The following RIF1 variants were observed in gnomAD, a reference collection of about 807,000 sequenced individuals.
RIF1 encodes the protein telomere-associated protein RIF1.
A neutral mutation model predicts 247.1 loss-of-function variants in RIF1; 45 were observed. The ratio of observed to expected loss-of-function variants is 0.18; its 90% CI spans 0.14 to 0.23. The LOEUF (loss-of-function observed/expected upper bound fraction) is 0.23, where lower values mean the gene tolerates loss of function less well. RIF1 is among the 10% of genes least tolerant of loss of function. The probability of loss-of-function intolerance (pLI) is 1.00; values close to 1 mark genes in which losing one functional copy is unlikely to be tolerated. For missense variants in RIF1, 2,967 were observed against 2,862.5 expected, an observed-to-expected ratio of 1.04 and a Z score of -0.83; for synonymous variants, 1,087 against 978.8, an observed-to-expected ratio of 1.11 and a Z score of -2.06.
At chr2:151,493,297 G>A in intron 9 of RIF1, 1 of 1,340,830 alleles carries the variant, frequency 7.5e-7, no homozygotes, top group Non-Finnish European at 1.1e-6. Flanking sequence ...TTTTTATGAT[G>A]TTAAAATGTT....
intron 1 of RIF1, 51 bp from the exon 2 acceptor site, chr2:151,410,363 G>A: frequency 2.0e-6 from 3 of 1,471,090 alleles, no homozygotes; most frequent in Non-Finnish European, 1.9e-6. Flanking sequence ...GCCGCCGCGG[G>A]GCTGTTTCCA....
At chr2:151,410,613 A>T (rs1685986860) in intron 2 of RIF1, 86 bp downstream of exon 2, 1 of 1,086,868 alleles carries the variant, frequency 9.2e-7, no homozygotes, top group African/African-American at 1.5e-5. Flanking sequence ...CGTAGAATGA[A>T]TGTGAGTTCT....
chr2:151,487,012 A>G (rs954812305), downstream of RIF1, among the ~76,000 whole-genome samples: 11 of 152,168 alleles, frequency 7.2e-5, no homozygotes, highest in African/African-American at 2.4e-4. Flanking sequence ...TGTACACTTT[A>G]TGAACTTCAT....
the RIF1 span, chr2:151,519,204 G>T: frequency 1.5e-6 from 1 of 686,588 alleles, no homozygotes. Context: ...ATTCATAGTA[G>T]CCAGAAGGCA....
intron 34 of RIF1, among the ~76,000 whole-genome samples, chr2:151,472,280 C>A (rs1484304537): frequency 6.6e-6 from 1 of 152,084 alleles, no homozygotes; most frequent in African/African-American, 2.4e-5. Context: ...GCTGAGACAA[C>A]GGGGTTTTCT....
rs182073795 is a variant in RIF1, at chr2:151,476,419, A to T, written c.*1348A>T. 27 of 152,274 alleles carry T rather than the reference A, an allele frequency of 1.8e-4. 1 individual carries two copies. In the East Asian group the frequency reaches 5.0e-3, roughly 28 times the overall value. The allele number at this position is 152,274 out of a possible 1,614,324, so 9.4% of individuals were successfully genotyped here. ...ATCTTTTTAACTGACAGTATATCTC[A>T]CTTCTTCTTTGAATAGAATGAGTGA... On this transcript the variant is annotated 3_prime_UTR_variant, in exon 36 of 36. Transcript: ENST00000444746.
chr2:151,485,487 C>A, downstream of RIF1: 1 of 294,466 alleles, frequency 3.4e-6, no homozygotes, highest in Non-Finnish European at 6.2e-6. Context: ...TTGGCATATT[C>A]AAAATCCCTG....
chr2:151,455,208 A>G, intron 22 of RIF1, 49 bp downstream of exon 22: 3 of 1,384,758 alleles, frequency 2.2e-6, no homozygotes, highest in Non-Finnish European at 3.0e-6. Flanking sequence ...TACAATTTAA[A>G]TATAGGTAGC....
intron 3 of RIF1, among the ~76,000 whole-genome samples, chr2:151,412,082 C>G (rs1479938150): frequency 2.6e-5 from 4 of 152,144 alleles, no homozygotes; most frequent in Non-Finnish European, 2.9e-5. Flanking sequence ...TTTCCTCATT[C>G]ACCCTCAGTT....
chr2:151,434,921 T>TA (rs756552165), intron 10 of RIF1, among the ~76,000 whole-genome samples: 1 of 152,190 alleles, frequency 6.6e-6, no homozygotes, highest in Non-Finnish European at 1.5e-5. Context: ...GGAGGACTTA[T>TA]AAATATACTT....
In RIF1 at chr2:151,409,922, A is replaced by C. The variant is rs1367965068; in HGVS notation, c.-122A>C. On this transcript the variant is annotated 5_prime_UTR_variant, in exon 1 of 36. Coordinates refer to ENST00000444746, the MANE Select transcript of RIF1 (RefSeq NM_018151.5). ...CGCCCAGCCGCCATCTTGGTCTAGG[A>C]GGGAGCGCGCCGCACGCGTGAGTAA... 1.4e-6 allele frequency: 1 copy of C among 700,000 alleles called. No individual in the cohort carries two copies. The highest frequency in any genetic ancestry group is 2.0e-5 in the Admixed American group (1 of 49,908). The allele number at this position is 700,000 out of a possible 1,614,324, so 43.4% of individuals were successfully genotyped here.
chr2:151,423,045 A>G lies in RIF1; in HGVS notation c.786+3A>G. On this transcript the variant is annotated splice_donor_region_variant and intron_variant, in intron 8 of 35. Transcript: ENST00000444746. ...TGTTTGTCAAACTACTTGGAAGGGTAAGTGCCCAGTTAATGAACAGTCAAC... is the reference window on the plus strand; with the variant it reads ...TGTTTGTCAAACTACTTGGAAGGGTGAGTGCCCAGTTAATGAACAGTCAAC... 6.6e-7 allele frequency: 1 copy of G among 1,520,506 alleles called. No homozygotes were observed. The highest frequency in any genetic ancestry group is 9.1e-7 in the Non-Finnish European group (1 of 1,097,124). The allele number at this position is 1,520,506 out of a possible 1,614,324, so 94.2% of individuals were successfully genotyped here.
Position 151,440,015 on chromosome 2 carries a change from G to A in RIF1, c.1547-12G>A, listed in dbSNP as rs1461604294. ...AAAAAAGAACTATACCCTTCTTTTT[G>A]CTTTTTGATAGGTAACAAAAAAGAG... On this transcript the variant is annotated splice_polypyrimidine_tract_variant and intron_variant, in intron 14 of 35. Transcript: ENST00000444746. The A allele has an allele frequency of 2.5e-6, 2 of 810,566 alleles. No homozygotes were observed. The highest frequency in any genetic ancestry group is 1.6e-5 in the South Asian group (1 of 61,602). The allele number at this position is 810,566 out of a possible 1,614,324, so 50.2% of individuals were successfully genotyped here. A position where few individuals can be genotyped will look rare whatever the true frequency, so the allele number is the denominator to read the frequency against.
chr2:151,422,132 A>G (rs754671893), intron 7 of RIF1, among the ~76,000 whole-genome samples: 1 of 152,126 alleles, frequency 6.6e-6, no homozygotes, highest in Non-Finnish European at 1.5e-5. Flanking sequence ...GCCTGACCAT[A>G]AAATTCTTTC....
At chr2:151,515,905 C>T in the RIF1 span, among the ~76,000 whole-genome samples, 1 of 152,138 alleles carries the variant, frequency 6.6e-6, no homozygotes, top group Non-Finnish European at 1.5e-5. Context: ...CAAATAAGCC[C>T]ATTTCCCACT....
At chr2:151,521,622 T>A in the RIF1 span, among the ~76,000 whole-genome samples, 3 of 152,258 alleles carry the variant, frequency 2.0e-5, no homozygotes, top group African/African-American at 4.8e-5. Flanking sequence ...CTGCTTTTTT[T>A]AGAAGCATAC....
At chr2:151,498,761 T>C (rs1000357599) in intron 10 of RIF1, among the ~76,000 whole-genome samples, 2 of 152,140 alleles carry the variant, frequency 1.3e-5, no homozygotes, top group Non-Finnish European at 2.9e-5. Flanking sequence ...ACATTGTGTA[T>C]ATGGAGACAC....
chr2:151,454,570 T>C (rs1347455754), intron 21 of RIF1, among the ~76,000 whole-genome samples: 2 of 152,138 alleles, frequency 1.3e-5, no homozygotes, highest in Admixed American at 6.5e-5. Context: ...TGCATATTAG[T>C]TGTTGAAATT....
intron 24 of RIF1, 51 bp downstream of exon 24, chr2:151,458,014 A>G (rs778640502): frequency 7.8e-7 from 1 of 1,287,128 alleles, no homozygotes; most frequent in South Asian, 1.3e-5. Context: ...TTGTGATCAT[A>G]TAAATTGATA....
Sources: allele counts gnomAD v4.1 joint callset (sites outside exome capture counted in the v4.1 genomes callset), GRCh38; gene constraint gnomAD v4.1.1; transcripts MANE v1.5; gene names NCBI Gene and HGNC (gene_info 2026-07-23, HGNC 2026-07-21).